The following ARID2 variants were observed in gnomAD, a reference collection of about 807,000 sequenced individuals.
ARID2 encodes AT-rich interaction domain 2.
In ARID2, 32 loss-of-function variants were observed where a neutral mutation model predicts 184.6. The observed-to-expected ratio is 0.17, with a 90% CI of 0.13 to 0.23. The LOEUF is 0.23. Ranked by LOEUF, ARID2 falls within the 10% of genes least tolerant of loss-of-function variation. The probability of loss-of-function intolerance (pLI) is 1.00; values close to 1 mark genes in which losing one functional copy is unlikely to be tolerated. For synonymous variants in ARID2, 836 were observed against 772.6 expected (o/e 1.08, Z -1.36); for missense variants, 1,696 against 2,197.6 (o/e 0.77, Z 4.56).
At chr12:45,840,965 T>G (rs1237355590) in intron 11 of ARID2, 1 of 152,226 alleles carries the variant, frequency 6.6e-6, no homozygotes, top group East Asian at 1.9e-4. Context: ...CAATGAGCTT[T>G]CAACTACAGG....
chr12:45,891,400 C>T (rs1565641006), intron 16 of ARID2, among the ~76,000 whole-genome samples: 1 of 152,076 alleles, frequency 6.6e-6, no homozygotes, highest in African/African-American at 2.4e-5. Flanking sequence ...CATGGACAGA[C>T]ATATAAATGT....
chr12:45,826,402 G>A (rs1282939855), intron 6 of ARID2, among the ~76,000 whole-genome samples: 1 of 151,864 alleles, frequency 6.6e-6, no homozygotes, highest in African/African-American at 2.4e-5. Context: ...TGGTTTTACA[G>A]AGGTTAGTCT....
chr12:45,791,204 C>CTGTGTGTG (rs143314237), intron 3 of ARID2, among the ~76,000 whole-genome samples: 33 of 147,630 alleles, frequency 2.2e-4, no homozygotes, highest in African/African-American at 7.9e-4. Flanking sequence ...AGCACATTTT[C>CTGTGTGTG]TGTGTGTGTG....
At chr12:45,872,680 C>T (rs1446767670) in intron 16 of ARID2, among the ~76,000 whole-genome samples, 2 of 152,176 alleles carry the variant, frequency 1.3e-5, no homozygotes, top group African/African-American at 2.4e-5. Flanking sequence ...CGGGCGTAAC[C>T]GCATGGGTGG....
At chr12:45,810,936 G>A (rs1287865386) in intron 3 of ARID2, among the ~76,000 whole-genome samples, 4 of 152,220 alleles carry the variant, frequency 2.6e-5, no homozygotes, top group East Asian at 3.9e-4. Context: ...GAGGCCGGGC[G>A]CGGTGGCTCA....
At position 45,850,657 on chromosome 12, in the gene ARID2, C is replaced by A. The variant is rs145274890; in HGVS notation, c.2534C>A (p.Thr845Asn). Reference protein sequence around the residue: ...QTSAGSQSQDTVIIAPPQYVT... With the variant: ...QTSAGSQSQDNVIIAPPQYVT... ...TCAGCTGGTAGCCAGTCACAAGATA[C>A]TGTTATCATAGCACCCCCACAGTAT... The change falls in exon 15 of 21, where the codon ACT becomes AAT. Residue 845 changes from threonine (T) to asparagine (N), a missense_variant. Coordinates refer to ENST00000334344, the MANE Select transcript of ARID2 (RefSeq NM_152641.4). 6.2e-7 allele frequency: 1 copy of A among 1,614,150 alleles called. No homozygotes were observed. The highest frequency in any genetic ancestry group is 8.5e-7 in the Non-Finnish European group (1 of 1,179,996).
chr12:45,786,844 C>G (rs868465254), intron 3 of ARID2, among the ~76,000 whole-genome samples: 2 of 152,160 alleles, frequency 1.3e-5, no homozygotes. Flanking sequence ...TTTGCAACAG[C>G]ATGGGTGATC....
chr12:45,781,413 C>T (rs1227662190), intron 3 of ARID2, among the ~76,000 whole-genome samples: 2 of 3,710 alleles, frequency 5.4e-4, no homozygotes, highest in East Asian at 0.013. Context: ...GTACTCAGTA[C>T]TTGCCTAGTA....
intron 12 of ARID2, 103 bp from the exon 13 acceptor site, chr12:45,848,733 T>C (rs1415085449): frequency 4.2e-6 from 4 of 960,746 alleles, no homozygotes; most frequent in Non-Finnish European, 5.7e-6. Flanking sequence ...TTAGTAGGTA[T>C]AATTATTAGT....
chr12:45,816,063 T>C (rs1052807533), intron 4 of ARID2, among the ~76,000 whole-genome samples: 3 of 152,226 alleles, frequency 2.0e-5, no homozygotes, highest in Non-Finnish European at 1.5e-5. Context: ...TCTCAGGACA[T>C]AGTTGCCAAG....
intron 3 of ARID2, among the ~76,000 whole-genome samples, chr12:45,770,857 G>C (rs1279386564): frequency 6.6e-6 from 1 of 152,118 alleles, no homozygotes; most frequent in African/African-American, 2.4e-5. Flanking sequence ...GGGAAGACAG[G>C]TTCTCAATCC....
chr12:45,897,845 G>T (rs994248205), intron 20 of ARID2, among the ~76,000 whole-genome samples: 5 of 147,008 alleles, frequency 3.4e-5, no homozygotes, highest in African/African-American at 5.0e-5. Context: ...AGTTTTTGAG[G>T]TTTTTTTTTT....
intron 20 of ARID2, among the ~76,000 whole-genome samples, chr12:45,897,528 C>G (rs1485096108): frequency 2.0e-5 from 3 of 152,170 alleles, no homozygotes; most frequent in Non-Finnish European, 4.4e-5. Context: ...TAGAGAATGC[C>G]TAACTACTGT....
intron 3 of ARID2, chr12:45,776,255 T>G (rs1398499812): frequency 6.5e-6 from 1 of 152,716 alleles, no homozygotes; most frequent in African/African-American, 2.4e-5. Flanking sequence ...CAGGTGATTC[T>G]GAACCTTGCT....
intron 3 of ARID2, chr12:45,776,181 T>C (rs1255150328): frequency 6.2e-6 from 1 of 160,048 alleles, no homozygotes; most frequent in Non-Finnish European, 1.5e-5. Flanking sequence ...AATGCAAATA[T>C]TCAGACCTAC....
rs950344315 is a variant in ARID2, at chr12:45,749,377, A to G, written c.284+18063A>G. ...AGTAAACCATGCTGTTAACAGATGT[A>G]CTGTCATCCAGGCTTTGTTGTTTCA... On this transcript the variant is annotated intron_variant, in intron 3 of 20. Coordinates refer to ENST00000334344, the MANE Select transcript of ARID2 (RefSeq NM_152641.4). 7.2e-5 allele frequency among the ~76,000 whole-genome samples: 11 copies of G among 152,214 alleles called. 1 individual carries two copies. Among genetic ancestry groups the G allele is most frequent in the Non-Finnish European group, 2.9e-5 (2 of 68,036 alleles).
rs181529233 is a variant in ARID2 at position 45,905,959 on chromosome 12, T to G, written c.*881T>G. 4 of 231,646 alleles carry G rather than the reference T, an allele frequency of 1.7e-5. No individual in the cohort carries two copies. Among genetic ancestry groups the G allele is most frequent in the Non-Finnish European group, 3.4e-5 (4 of 117,496 alleles). 14.3% of individuals were successfully genotyped at this position (231,646 alleles called of 1,614,324 possible). A position where few individuals can be genotyped will look rare whatever the true frequency, so the allele number is the denominator to read the frequency against. ...TTTTTTCTTTTTTTTTTTCTTTTTT[T>G]TTTTGTATTATACACCTTGTAGAAC... On this transcript the variant is annotated 3_prime_UTR_variant, in exon 21 of 21. Coordinates refer to ENST00000334344, the MANE Select transcript of ARID2 (RefSeq NM_152641.4).
intron 16 of ARID2, among the ~76,000 whole-genome samples, chr12:45,875,721 G>A (rs1015473762): frequency 6.6e-6 from 1 of 152,190 alleles, no homozygotes; most frequent in African/African-American, 2.4e-5. Flanking sequence ...TCATGTTATG[G>A]AGATGGCTTC....
Position 45,850,441 on chromosome 12 carries a change from C to G in ARID2, c.2318C>G (p.Ser773Cys), listed in dbSNP as rs1943525637. 1 of 1,613,940 alleles carries G rather than the reference C, an allele frequency of 6.2e-7. No homozygotes were observed. Among genetic ancestry groups the G allele is most frequent in the African/African-American group, 1.3e-5 (1 of 74,918 alleles). The change falls in exon 15 of 21, where the codon TCT becomes TGT. Residue 773 changes from serine (S) to cysteine (C), a missense_variant. Physicochemically the swap from Ser to Cys is moderately radical, Grantham distance 112 (BLOSUM62 -1). Around this residue, in one of 11 missense-constraint regions of ARID2, gnomAD observed 713 missense variants for 824.4 expected, o/e 0.86. Transcript: ENST00000334344. The stretch of plus-strand genomic sequence containing the variant: ...CATCCATCTGTAATTCCACAGCAGT[C>G]TCCATTACACACAGTGGTACCAGGA... ...LHHPSVIPQQSPLHTVVPGQI... is the reference protein window; with the variant it reads ...LHHPSVIPQQCPLHTVVPGQI...
Sources: gnomAD v4.1 joint callset for allele counts (sites outside exome capture counted in the v4.1 genomes callset) on GRCh38, gnomAD v4.1.1 for gene constraint, gnomAD v4.1.1 regional missense constraint, MANE v1.5 for transcripts, NCBI Gene and HGNC (gene_info 2026-07-23, HGNC 2026-07-21) for gene names.